The following CFDP1 variants were observed in gnomAD, a reference collection of about 807,000 sequenced individuals.
CFDP1 encodes the protein chromatin remodeling protein CFDP1.
Under a neutral mutation model 40.1 loss-of-function variants are expected in CFDP1, and 31 were observed. The observed-to-expected ratio is 0.77, with a 90% CI of 0.58 to 1.04. The LOEUF (loss-of-function observed/expected upper bound fraction) is 1.04. CFDP1 is among the 50% of genes least tolerant of loss of function. The pLI is 0.00. For synonymous variants in CFDP1, 167 were observed against 120.0 expected (o/e 1.39, Z -2.56); for missense variants, 423 against 343.4 (o/e 1.23, Z -1.83).
At chr16:75,392,333 A>T (rs1012626181) in intron 5 of CFDP1, among the ~76,000 whole-genome samples, 2 of 151,964 alleles carry the variant, frequency 1.3e-5, no homozygotes, top group African/African-American at 4.8e-5. Context: ...TGAACCCAGG[A>T]GGCAAAGGTT....
chr16:75,352,007 CAAAAAAAAAAAAAAAA>C (rs3975153), intron 5 of CFDP1, among the ~76,000 whole-genome samples: 2 of 86,766 alleles, frequency 2.3e-5, no homozygotes, highest in South Asian at 8.1e-4. Flanking sequence ...GACTCTGTCT[CAAAAAAAAAAAAAAAA>C]AAAAAAAAAA....
intron 1 of CFDP1, among the ~76,000 whole-genome samples, chr16:75,431,358 G>A (rs986665103): frequency 2.1e-5 from 3 of 143,726 alleles, no homozygotes; most frequent in African/African-American, 5.1e-5. Flanking sequence ...GGAGGCTGAG[G>A]CAAGAGAATG....
intron 4 of CFDP1, among the ~76,000 whole-genome samples, chr16:75,410,528 C>T (rs1340330888): frequency 6.6e-6 from 1 of 152,052 alleles, no homozygotes; most frequent in Non-Finnish European, 1.5e-5. Flanking sequence ...AATCTCAGCA[C>T]TTTGTGAGGC....
chr16:75,302,388 G>A (rs1442734237), intron 6 of CFDP1, among the ~76,000 whole-genome samples: 2 of 152,164 alleles, frequency 1.3e-5, no homozygotes, highest in Non-Finnish European at 2.9e-5. Context: ...AGCCTCCCAA[G>A]TAACTGGGAC....
intron 5 of CFDP1, chr16:75,325,045 T>C (rs567194869): frequency 6.6e-6 from 1 of 152,220 alleles, no homozygotes; most frequent in East Asian, 1.9e-4. Flanking sequence ...GTCCTTGGAC[T>C]TTTCTCCATC....
At chr16:75,367,290 G>C (rs1341263598) in intron 5 of CFDP1, among the ~76,000 whole-genome samples, 2 of 152,098 alleles carry the variant, frequency 1.3e-5, no homozygotes, top group African/African-American at 2.4e-5. Context: ...GAAAAATTTA[G>C]GGAGAGTATT....
chr16:75,375,270 A>T (rs2078783607), intron 5 of CFDP1, among the ~76,000 whole-genome samples: 1 of 152,218 alleles, frequency 6.6e-6, no homozygotes, highest in Non-Finnish European at 1.5e-5. Flanking sequence ...AAAATGAATA[A>T]GCAAGACAAA....
intron 5 of CFDP1, among the ~76,000 whole-genome samples, chr16:75,364,219 C>A (rs1211958135): frequency 1.3e-5 from 2 of 152,128 alleles, no homozygotes; most frequent in African/African-American, 4.8e-5. Flanking sequence ...TAACAATTCA[C>A]TTTTTAAAAA....
chr16:75,431,943 G>T (rs1382697126), intron 1 of CFDP1, among the ~76,000 whole-genome samples: 1 of 139,682 alleles, frequency 7.2e-6, no homozygotes, highest in African/African-American at 2.6e-5. Context: ...ACGGAGTCTC[G>T]CTCTGTCACC....
At chr16:75,411,155 T>C (rs1352086022) in intron 4 of CFDP1, among the ~76,000 whole-genome samples, 1 of 150,512 alleles carries the variant, frequency 6.6e-6, no homozygotes, top group Non-Finnish European at 1.5e-5. Flanking sequence ...GAGGTGGAGG[T>C]CGCAATGAGC....
At chr16:75,320,929 G>A (rs1248979644) in intron 5 of CFDP1, among the ~76,000 whole-genome samples, 2 of 152,100 alleles carry the variant, frequency 1.3e-5, no homozygotes, top group Admixed American at 6.5e-5. Flanking sequence ...CTTGTACTCT[G>A]GAAGAATGCT....
intron 5 of CFDP1, among the ~76,000 whole-genome samples, chr16:75,322,363 G>A (rs2078370672): frequency 6.6e-6 from 1 of 152,192 alleles, no homozygotes; most frequent in Non-Finnish European, 1.5e-5. Context: ...TTATAGTCAT[G>A]TGTTGCTTAT....
At chr16:75,368,925 G>T (rs1267285115) in intron 5 of CFDP1, among the ~76,000 whole-genome samples, 1 of 152,012 alleles carries the variant, frequency 6.6e-6, no homozygotes, top group Non-Finnish European at 1.5e-5. Context: ...TTCATTGTGG[G>T]TATCAGTACT....
chr16:75,294,845 C>A (rs1176242602), intron 6 of CFDP1, among the ~76,000 whole-genome samples: 1 of 152,164 alleles, frequency 6.6e-6, no homozygotes, highest in East Asian at 1.9e-4. Context: ...CAAACTTTCC[C>A]TCTGTCCTCC....
chr16:75,431,383 G>C (rs1303312727), intron 1 of CFDP1, among the ~76,000 whole-genome samples: 1 of 137,150 alleles, frequency 7.3e-6, no homozygotes, highest in Non-Finnish European at 1.5e-5. Context: ...GAACCCGGGA[G>C]GCAGAGCTTG....
intron 5 of CFDP1, among the ~76,000 whole-genome samples, chr16:75,360,033 T>C (rs748655675): frequency 1.6e-4 from 24 of 152,034 alleles, no homozygotes; most frequent in Non-Finnish European, 3.2e-4. Flanking sequence ...GCCTTCCCAA[T>C]AGCTAGGACT....
At chr16:75,432,898 CG>C (rs11327576) in intron 1 of CFDP1, among the ~76,000 whole-genome samples, 33,441 of 152,054 alleles carry the variant, frequency 0.22, 4,059 homozygotes, top group African/African-American at 0.32. Context: ...CTATCTTGGA[CG>C]GGGTGGTGGC....
Position 75,303,429 on chromosome 16 carries a change from T to A in CFDP1, c.809+1595A>T, listed in dbSNP as rs917316855. ...TATGTATGTATGTATGTATGTATGT[T>A]TAGGGAAAAAAAAACCATACTGGTC... On this transcript the variant is annotated intron_variant, in intron 6 of 6. Transcript: ENST00000283882. Among the ~76,000 whole-genome samples the A allele has an allele frequency of 4.2e-4, 24 of 56,542 alleles. 1 individual carries two copies. In the Admixed American group the frequency reaches 6.4e-3, roughly 15 times the overall value. 37.1% of individuals were successfully genotyped at this position (56,542 alleles called of 152,430 possible).
At position 75,330,594 on chromosome 16, in the gene CFDP1, C is replaced by A. The variant is rs946568858; in HGVS notation, c.651-25412G>T. ...ACAAGAGTGAAACTCCATCTCGAAACAAAAACAAAAACAAATGATGAAAGT... is the reference window on the plus strand; with the variant it reads ...ACAAGAGTGAAACTCCATCTCGAAAAAAAAACAAAAACAAATGATGAAAGT... On this transcript the variant is annotated intron_variant, in intron 5 of 6. Coordinates refer to ENST00000283882, the MANE Select transcript of CFDP1 (RefSeq NM_006324.3). Among the ~76,000 whole-genome samples, 14 of 152,190 alleles carry A rather than the reference C, an allele frequency of 9.2e-5. No individual in the cohort carries two copies. The East Asian group carries it at 2.1e-3, about 23-fold the overall frequency.
Sources: allele counts gnomAD v4.1 joint callset (sites outside exome capture counted in the v4.1 genomes callset), GRCh38; gene constraint gnomAD v4.1.1; transcripts MANE v1.5; gene names NCBI Gene and HGNC (gene_info 2026-07-23, HGNC 2026-07-21).